The following HNF1A variants were observed in gnomAD, a reference collection of about 807,000 sequenced individuals.
HNF1A encodes the protein hepatocyte nuclear factor 1-alpha.
A neutral mutation model predicts 62.2 loss-of-function variants in HNF1A; 21 were observed. The observed-to-expected ratio is 0.34, with a 90% CI of 0.24 to 0.49. The LOEUF (loss-of-function observed/expected upper bound fraction) is 0.49. Ranked by LOEUF, HNF1A falls within the 20% of genes least tolerant of loss-of-function variation. The pLI is 0.99. For missense variants in HNF1A, 687 were observed against 832.3 expected (o/e 0.83, Z 2.15); for synonymous variants, 374 against 366.8 (o/e 1.02, Z -0.22).
At position 121,001,072 on chromosome 12, in the gene HNF1A, C is replaced by A. The variant is rs761305679; in HGVS notation, c.1776C>A (p.Ser592=). The A allele has an allele frequency of 1.9e-6, 3 of 1,613,342 alleles. No homozygotes were observed. The African/African-American group carries it at 4.0e-5, about 22-fold the overall frequency. Residue 592 remains serine (S), a synonymous_variant, in exon 10 of 10, where the codon TCC becomes TCA. Coordinates refer to ENST00000257555, the MANE Select transcript of HNF1A (RefSeq NM_000545.8). ...CCTTGTTTGCCTCTGCAGTGTCCTC[C>A]AGCAGCCTGGTGCTGTACCAGAGCT... ...HRLSASPTVS[S]SSLVLYQSSD...
intron 1 of HNF1A, 78 bp from the exon 2 acceptor site, chr12:120,988,755 C>A: frequency 1.5e-6 from 2 of 1,355,710 alleles, no homozygotes; most frequent in Non-Finnish European, 2.1e-6. Context: ...TGACAAGGTT[C>A]CAGCACCCAG....
At position 120,996,849 on chromosome 12, in the gene HNF1A, A is replaced by G. The variant is rs61321446; in HGVS notation, c.1309+107A>G. 4,808 of 551,160 alleles carry G rather than the reference A, an allele frequency of 8.7e-3. 42 individuals carry two copies. The highest frequency in any genetic ancestry group is 0.029 in the South Asian group (1,418 of 48,106). The allele number at this position is 551,160 out of a possible 1,614,324, so 34.1% of individuals were successfully genotyped here. ...GGACTCATTCATTCATTCATACAAC[A>G]TGTATTTATCCAGTGCCTACTCTGG... On this transcript the variant is annotated intron_variant, in intron 6 of 9. Transcript: ENST00000257555. This position sits in a 1 kb window ranked among gnomAD's most constrained non-coding sequence, Gnocchi z 4.5.
At position 120,978,721 on chromosome 12, in the gene HNF1A, C is replaced by G. The variant is rs748532681; in HGVS notation, c.-48C>G. 6.4e-7 allele frequency: 1 copy of G among 1,570,824 alleles called. No homozygotes were observed. The highest frequency in any genetic ancestry group is 8.7e-7 in the Non-Finnish European group (1 of 1,143,014). ...AACGCAACCCACGCGGTGGGGGAGGCGGCTAGCGTGGTGGACCCGGGCCGC... is the reference window on the plus strand; with the variant it reads ...AACGCAACCCACGCGGTGGGGGAGGGGGCTAGCGTGGTGGACCCGGGCCGC... On this transcript the variant is annotated 5_prime_UTR_variant, in exon 1 of 10. Transcript: ENST00000257555.
chr12:121,001,440 A>G lies in HNF1A; in HGVS notation c.*248A>G. 1 of 548,298 alleles carries G rather than the reference A, an allele frequency of 1.8e-6. No individual in the cohort carries two copies. The highest frequency in any genetic ancestry group is 3.1e-5 in the East Asian group (1 of 32,430). The allele number at this position is 548,298 out of a possible 1,614,324, so 34.0% of individuals were successfully genotyped here. ...TAGGAGCAAAGCCTGTTCATGGCAG[A>G]TGTAGGAGGGACTGTCGCTGCTTCG... On this transcript the variant is annotated 3_prime_UTR_variant, in exon 10 of 10. Transcript: ENST00000257555.
rs1378364449 is a variant in HNF1A, at chr12:121,002,458, G to A, written c.*1266G>A. 7.6e-6 allele frequency: 4 copies of A among 528,786 alleles called. No individual in the cohort carries two copies. Among genetic ancestry groups the A allele is most frequent in the African/African-American group, 5.6e-5 (3 of 53,456 alleles). 32.8% of individuals were successfully genotyped at this position (528,786 alleles called of 1,614,324 possible). ...CCCCTGCAGCTTGTAGCCAGCCGGG[G>A]CGAGTGGCACGTTTATTTAACTTTT... On this transcript the variant is annotated 3_prime_UTR_variant, in exon 10 of 10. Transcript: ENST00000257555.
rs966714279 is a variant in HNF1A at position 120,979,053 on chromosome 12, G to A, written c.285G>A (p.Glu95=). 1.3e-5 allele frequency: 21 copies of A among 1,612,298 alleles called. No individual in the cohort carries two copies. Among genetic ancestry groups the A allele is most frequent in the Non-Finnish European group, 1.8e-5 (21 of 1,179,308 alleles). ...ILKELENLSP[E]EAAHQKAVVE... is the part of the protein sequence containing the mutation. Reference sequence around the variant, plus strand: ...AAGAGCTGGAGAACCTCAGCCCTGAGGAGGCGGCCCACCAGAAAGCCGTGG... The same window carrying A: ...AAGAGCTGGAGAACCTCAGCCCTGAAGAGGCGGCCCACCAGAAAGCCGTGG... The change falls in exon 1 of 10, where the codon GAG becomes GAA. Residue 95 remains glutamate (E), a synonymous_variant. Coordinates refer to ENST00000257555, the MANE Select transcript of HNF1A (RefSeq NM_000545.8).
intron 9 of HNF1A, chr12:121,000,825 G>A (rs1400657833): frequency 1.4e-5 from 8 of 552,420 alleles, no homozygotes; most frequent in Admixed American, 2.9e-5. Context: ...GCATCTCACC[G>A]GGGCTTCTCC....
In HNF1A at chr12:120,994,383, C is replaced by T. The variant is rs1161461038; in HGVS notation, c.933C>T (p.Ala311=). Residue 311 remains alanine (A), a synonymous_variant, in exon 4 of 10, where the codon GCC becomes GCT. Coordinates refer to ENST00000257555, the MANE Select transcript of HNF1A (RefSeq NM_000545.8). ...GCTCCCCTGGCCTGCCTCCACCTGC[C>T]CTCTCCCCCAGTAAGGTCCACGGTA... The part of the protein sequence containing the change: ...AHSSPGLPPP[A]LSPSKVHGVR... 1.3e-6 allele frequency: 2 copies of T among 1,592,546 alleles called. No homozygotes were observed. The highest frequency in any genetic ancestry group is 8.6e-7 in the Non-Finnish European group (1 of 1,169,406).
At chr12:120,989,438 T>C (rs1263085816) in intron 2 of HNF1A, among the ~76,000 whole-genome samples, 2 of 152,104 alleles carry the variant, frequency 1.3e-5, no homozygotes, top group Non-Finnish European at 2.9e-5. Context: ...TTTGTAGTTT[T>C]AGTAGAGACG....
rs994079020 is a variant in HNF1A at position 120,983,415 on chromosome 12, T to C, written c.326+4321T>C. On this transcript the variant is annotated intron_variant, in intron 1 of 9. Transcript: ENST00000257555. ...CCCCACGTTACAGGGCAGATGTGGGTCATGCAAGAGCACGCGTGGCTAGGT... is the reference window on the plus strand; with the variant it reads ...CCCCACGTTACAGGGCAGATGTGGGCCATGCAAGAGCACGCGTGGCTAGGT... Among the ~76,000 whole-genome samples the C allele has an allele frequency of 2.0e-5, 3 of 152,248 alleles. 1 individual carries two copies. In the South Asian group the frequency reaches 6.2e-4, roughly 32 times the overall value.
At chr12:120,981,391 C>T (rs557203710) in intron 1 of HNF1A, among the ~76,000 whole-genome samples, 1 of 152,326 alleles carries the variant, frequency 6.6e-6, no homozygotes, top group South Asian at 2.1e-4. Context: ...CCTGAGTGAC[C>T]TTGGGAAAGT....
rs1313379580 is a variant in HNF1A at position 120,978,804 on chromosome 12, C to T, written c.36C>T (p.Leu12=). ...AACTGAGCCAGCTGCAGACGGAGCT[C>T]CTGGCGGCCCTGCTCGAGTCAGGGC... The part of the protein sequence containing the change: ...VSKLSQLQTE[L]LAALLESGLS... The change falls in exon 1 of 10, where the codon CTC becomes CTT. Residue 12 remains leucine, a synonymous_variant. Transcript: ENST00000257555. 2 of 1,612,970 alleles carry T rather than the reference C, an allele frequency of 1.2e-6. No individual in the cohort carries two copies. The highest frequency in any genetic ancestry group is 2.7e-5 in the African/African-American group (2 of 74,926).
intron 9 of HNF1A, among the ~76,000 whole-genome samples, 162 bp downstream of exon 9, chr12:120,999,789 C>T (rs1234753658): frequency 1.3e-5 from 2 of 152,118 alleles, no homozygotes; most frequent in African/African-American, 2.4e-5. Flanking sequence ...GGTGGGCTTC[C>T]ATGAAGCCCA....
chr12:120,998,937 T>C (rs1877264757), intron 7 of HNF1A, among the ~76,000 whole-genome samples: 1 of 152,208 alleles, frequency 6.6e-6, no homozygotes, highest in South Asian at 2.1e-4. Flanking sequence ...GCTTAGTACG[T>C]AGCACCCGTG....
At chr12:120,997,302 C>A in intron 6 of HNF1A, 172 bp from the exon 7 acceptor site, 1 of 1,383,578 alleles carries the variant, frequency 7.2e-7, no homozygotes, top group Non-Finnish European at 9.5e-7. Flanking sequence ...GAATGACTTG[C>A]CAGAGCCACT....
intron 6 of HNF1A, 115 bp from the exon 7 acceptor site, chr12:120,997,354 ACCCTG>A: frequency 2.2e-6 from 3 of 1,347,832 alleles, no homozygotes; most frequent in Non-Finnish European, 2.0e-6. Context: ...TTTCCTGACC[ACCCTG>A]CCCCCTCCTC....
chr12:120,981,196 T>C (rs1565880933), intron 1 of HNF1A, among the ~76,000 whole-genome samples: 1 of 152,122 alleles, frequency 6.6e-6, no homozygotes, highest in Non-Finnish European at 1.5e-5. Flanking sequence ...GCCTGGGCCA[T>C]TGGGGAGGTT....
chr12:120,990,421 G>A (rs938256686), intron 2 of HNF1A, among the ~76,000 whole-genome samples: 4 of 152,206 alleles, frequency 2.6e-5, no homozygotes, highest in Admixed American at 6.5e-5. Flanking sequence ...GAGCCACCGC[G>A]CCTGGCCTTA....
At chr12:120,997,134 G>A (rs1877150870) in intron 6 of HNF1A, 1 of 1,400,028 alleles carries the variant, frequency 7.1e-7, no homozygotes, top group Non-Finnish European at 9.3e-7. Context: ...AGATAGATAA[G>A]GAGCTGCTAG....
Sources: allele counts gnomAD v4.1 joint callset (sites outside exome capture counted in the v4.1 genomes callset), GRCh38; gene constraint gnomAD v4.1.1; non-coding constraint Gnocchi (gnomAD v3.1); transcripts MANE v1.5; gene names NCBI Gene and HGNC (gene_info 2026-07-23, HGNC 2026-07-21).